Variants in MRGPRE observed in about 807,000 individuals in gnomAD.
The protein encoded by MRGPRE is MAS related GPR family member E.
For synonymous variants in MRGPRE, 229 were observed against 206.7 expected (o/e 1.11, Z -0.92); for missense variants, 466 against 433.4 (o/e 1.08, Z -0.67).
At position 3,225,337 on chromosome 11, in the gene MRGPRE, C is replaced by A. The variant is rs12420918; in HGVS notation, c.*2524G>T. Among the ~76,000 whole-genome samples the A allele has an allele frequency of 0.34, 51,447 of 152,194 alleles. 8,887 individuals are homozygous for A. The highest frequency in any genetic ancestry group is 0.39 in the Middle Eastern group (113 of 292). On this transcript the variant is annotated 3_prime_UTR_variant, in exon 2 of 2. Transcript: ENST00000389832. ...GTTCTTGGGAATTCTGTGCTGACCG[C>A]GGCAGCCCCGCAGGGGCCCGGGGTT...
chr11:3,226,663 G>C lies in MRGPRE; in HGVS notation c.*1198C>G, dbSNP rs1847764655. Among the ~76,000 whole-genome samples, 1 of 152,238 alleles carries C rather than the reference G, an allele frequency of 6.6e-6. No individual in the cohort carries two copies. The highest frequency in any genetic ancestry group is 2.4e-5 in the African/African-American group (1 of 41,452). On this transcript the variant is annotated 3_prime_UTR_variant, in exon 2 of 2. Transcript: ENST00000389832. ...ATGTCCTTCCATCACCAGCCATGGA[G>C]GCCGGAGTCAGAAATCAAAGAAAAC... is the stretch of plus-strand genomic sequence containing the variant.
In MRGPRE at chr11:3,229,250, A is replaced by G. The variant is rs1351267575; in HGVS notation, c.-61-390T>C. On this transcript the variant is annotated intron_variant, in intron 1 of 1. Transcript: ENST00000389832. This position sits in a 1 kb window ranked among gnomAD's most constrained non-coding sequence, Gnocchi z 4.4. ...TTTTTTTTTTTTTTTTTGGAGATGGAGTCTGGCTCTGTTGCCCCAGGCTAG... is the reference window on the plus strand; with the variant it reads ...TTTTTTTTTTTTTTTTTGGAGATGGGGTCTGGCTCTGTTGCCCCAGGCTAG... Among the ~76,000 whole-genome samples, 2 of 125,438 alleles carry G rather than the reference A, an allele frequency of 1.6e-5. No homozygotes were observed. The highest frequency in any genetic ancestry group is 3.2e-5 in the Non-Finnish European group (2 of 63,386). The allele number at this position is 125,438 out of a possible 152,430, so 82.3% of individuals were successfully genotyped here. A position where few individuals can be genotyped will look rare whatever the true frequency, so the allele number is the denominator to read the frequency against.
chr11:3,228,510 G>A lies in MRGPRE; in HGVS notation c.290C>T (p.Thr97Ile). ...GRLDFPGFVQ[T>I]SLATLRFFCY... ...GAAGAAGCGCAGCGTTGCCAGGCTG[G>A]TCTGCACGAAGCCCGGGAAGTCCAG... The change falls in exon 2 of 2, where the codon ACC becomes ATC. Residue 97 changes from threonine to isoleucine, a missense_variant. By Grantham distance (89) the Thr-to-Ile change is moderately conservative (BLOSUM62 -1). Transcript: ENST00000389832. 1.2e-6 allele frequency: 2 copies of A among 1,613,806 alleles called. No individual in the cohort carries two copies. Among genetic ancestry groups the A allele is most frequent in the Non-Finnish European group, 1.7e-6 (2 of 1,179,996 alleles).
At position 3,228,274 on chromosome 11, in the gene MRGPRE, T is replaced by C; in HGVS notation, c.526A>G (p.Thr176Ala). Residue 176 changes from threonine to alanine, a missense_variant, in exon 2 of 2, where the codon ACG (threonine) becomes GCG (alanine). Thr to Ala is a moderately conservative substitution (Grantham distance 58, BLOSUM62 0). Transcript: ENST00000389832. Reference protein sequence around the residue: ...FGEPSRHLCRTLWLVAAVLLA... With the variant: ...FGEPSRHLCRALWLVAAVLLA... ...AGCACCGCTGCCACCAGCCACAGCG[T>C]CCGGCACAAGTGGCGGCTGGGCTCC... The C allele has an allele frequency of 6.4e-7, 1 of 1,556,896 alleles. No homozygotes were observed. Among genetic ancestry groups the C allele is most frequent in the Middle Eastern group, 1.8e-4 (1 of 5,526 alleles).
Position 3,228,626 on chromosome 11 carries a change from G to A in MRGPRE, c.174C>T (p.Phe58=), listed in dbSNP as rs201376741. 3.0e-4 allele frequency: 485 copies of A among 1,614,130 alleles called. No homozygotes were observed. Among genetic ancestry groups the A allele is most frequent in the Admixed American group, 4.2e-4 (25 of 60,036 alleles). The part of the protein sequence containing the change: ...LLSSNVYRNP[F]AIYLLDVACA... ...AGGCCACGTCCAGGAGGTAGATGGCGAAGGGGTTTCTGTAGACATTGGAGC... is the reference window on the plus strand; with the variant it reads ...AGGCCACGTCCAGGAGGTAGATGGCAAAGGGGTTTCTGTAGACATTGGAGC... Residue 58 remains phenylalanine (F), a synonymous_variant, in exon 2 of 2, where the codon TTC becomes TTT. Coordinates refer to ENST00000389832, the MANE Select transcript of MRGPRE (RefSeq NM_001039165.4).
chr11:3,227,934 G>T lies in MRGPRE; in HGVS notation c.866C>A (p.Ala289Glu). The T allele has an allele frequency of 6.5e-7, 1 of 1,528,580 alleles. No homozygotes were observed. The highest frequency in any genetic ancestry group is 1.2e-5 in the South Asian group (1 of 80,380). The allele number at this position is 1,528,580 out of a possible 1,614,324, so 94.7% of individuals were successfully genotyped here. A position where few individuals can be genotyped will look rare whatever the true frequency, so the allele number is the denominator to read the frequency against. ...RLPLRLVLQRALGDEAELGAV... is the reference protein window; with the variant it reads ...RLPLRLVLQRELGDEAELGAV... ...CCCCAGCTCAGCCTCGTCTCCCAGC[G>T]CTCGCTGGAGGACCAGCCGGAGGGG... Residue 289 changes from alanine (A) to glutamate (E), a missense_variant, in exon 2 of 2, where the codon GCG becomes GAG. Physicochemically the swap from Ala to Glu is moderately radical, Grantham distance 107. Coordinates refer to ENST00000389832, the MANE Select transcript of MRGPRE (RefSeq NM_001039165.4).
rs570815823 is a variant in MRGPRE at position 3,228,572 on chromosome 11, G to A, written c.228C>T (p.His76=). 2.5e-6 allele frequency: 4 copies of A among 1,613,644 alleles called. No homozygotes were observed. The highest frequency in any genetic ancestry group is 2.7e-5 in the African/African-American group (2 of 75,054). ...ACADLIFLGC[H]MVAIVPDLLQ... ...GCAAGTCGGGGACGATGGCCACCAT[G>A]TGGCAGCCAAGGAAGATGAGATCCG... The change falls in exon 2 of 2, where the codon CAC becomes CAT. Residue 76 remains histidine, a synonymous_variant. Coordinates refer to ENST00000389832, the MANE Select transcript of MRGPRE (RefSeq NM_001039165.4).
chr11:3,225,075 G>A lies in MRGPRE; in HGVS notation c.*2786C>T, dbSNP rs1847744436. On this transcript the variant is annotated 3_prime_UTR_variant, in exon 2 of 2. Coordinates refer to ENST00000389832, the MANE Select transcript of MRGPRE (RefSeq NM_001039165.4). The stretch of plus-strand genomic sequence containing the variant: ...TTGGTTTTATTTTTCCAGCGTGTGA[G>A]CTAATGAACTAGCTGAGGAGTGAGC... 6.6e-6 allele frequency among the ~76,000 whole-genome samples: 1 copy of A among 152,254 alleles called. No homozygotes were observed. The highest frequency in any genetic ancestry group is 6.5e-5 in the Admixed American group (1 of 15,294).
rs78549252 is a variant in MRGPRE, at chr11:3,227,937, C to G, written c.863G>C (p.Arg288Pro). 21 of 1,534,250 alleles carry G rather than the reference C, an allele frequency of 1.4e-5. No individual in the cohort carries two copies. The highest frequency in any genetic ancestry group is 1.8e-5 in the Non-Finnish European group (20 of 1,137,516). The change falls in exon 2 of 2, where the codon CGA (arginine) becomes CCA (proline). Residue 288 changes from arginine to proline, a missense_variant. Arg to Pro is a moderately radical substitution (Grantham distance 103, BLOSUM62 -2). Transcript: ENST00000389832. ...CAGCTCAGCCTCGTCTCCCAGCGCT[C>G]GCTGGAGGACCAGCCGGAGGGGCAG... ...RRLPLRLVLQ[R>P]ALGDEAELGA...
rs1847812768 is a variant in MRGPRE, at chr11:3,230,045, C to G, written c.-61-1185G>C. Reference sequence around the variant, plus strand: ...ATCGGAGTCTTCATCACAGCTTTGCCAGAAATACAGCAAGTAATAGACTCT... The same window carrying G: ...ATCGGAGTCTTCATCACAGCTTTGCGAGAAATACAGCAAGTAATAGACTCT... On this transcript the variant is annotated intron_variant, in intron 1 of 1. Transcript: ENST00000389832. The surrounding 1 kb of genome is among the most constrained non-coding windows in gnomAD (Gnocchi z 5.5). Among the ~76,000 whole-genome samples, 1 of 152,160 alleles carries G rather than the reference C, an allele frequency of 6.6e-6. No homozygotes were observed. Among genetic ancestry groups the G allele is most frequent in the Non-Finnish European group, 1.5e-5 (1 of 68,018 alleles).
rs1045444010 is a variant in MRGPRE, at chr11:3,225,365, G to A, written c.*2496C>T. Reference sequence around the variant, plus strand: ...CAGCCCCGCAGGGGCCCGGGGTTGCGGGTGGATGGGGTGGGCTGGGCACTG... The same window carrying A: ...CAGCCCCGCAGGGGCCCGGGGTTGCAGGTGGATGGGGTGGGCTGGGCACTG... On this transcript the variant is annotated 3_prime_UTR_variant, in exon 2 of 2. Transcript: ENST00000389832. 1.3e-5 allele frequency among the ~76,000 whole-genome samples: 2 copies of A among 152,252 alleles called. No individual in the cohort carries two copies. Among genetic ancestry groups the A allele is most frequent in the African/African-American group, 2.4e-5 (1 of 41,474 alleles).
Position 3,225,519 on chromosome 11 carries a change from G to A in MRGPRE, c.*2342C>T, listed in dbSNP as rs2134627385. ...GCCTTGTGGCTCTGGGGGCAGAAGA[G>A]GAGGTGCAGCGGGGGAGGTCAGAGG... On this transcript the variant is annotated 3_prime_UTR_variant, in exon 2 of 2. Transcript: ENST00000389832. Among the ~76,000 whole-genome samples the A allele has an allele frequency of 6.6e-6, 1 of 152,314 alleles. No individual in the cohort carries two copies. The highest frequency in any genetic ancestry group is 2.1e-4 in the South Asian group (1 of 4,828).
chr11:3,229,887 G>A lies in MRGPRE; in HGVS notation c.-61-1027C>T, dbSNP rs1255226341. The stretch of plus-strand genomic sequence containing the variant: ...AGCTGTCTGATGATGGGGCTGGGAG[G>A]GGCCCTGAGCTTCCATGGCGTCTCC... On this transcript the variant is annotated intron_variant, in intron 1 of 1. Transcript: ENST00000389832. The surrounding 1 kb of genome is among the most constrained non-coding windows in gnomAD (Gnocchi z 4.4). 6.6e-6 allele frequency among the ~76,000 whole-genome samples: 1 copy of A among 152,190 alleles called. No homozygotes were observed. Among genetic ancestry groups the A allele is most frequent in the Non-Finnish European group, 1.5e-5 (1 of 68,018 alleles).
chr11:3,228,939 T>C (rs1847798608), intron 1 of MRGPRE, 79 bp from the exon 2 acceptor site: 1 of 693,262 alleles, frequency 1.4e-6, no homozygotes, highest in Non-Finnish European at 2.4e-6. Context: ...AGATGAGAGT[T>C]GGGTGGGTGA....
rs986564414 is a variant in MRGPRE at position 3,228,645 on chromosome 11, T to C, written c.155A>G (p.Asn52Ser). The C allele has an allele frequency of 1.2e-6, 2 of 1,614,052 alleles. No individual in the cohort carries two copies. Among genetic ancestry groups the C allele is most frequent in the East Asian group, 4.5e-5 (2 of 44,850 alleles). ...GATGGCGAAGGGGTTTCTGTAGACA[T>C]TGGAGCTGAGCAGCCAGAGGACTGC... ...NGAVLWLLSSNVYRNPFAIYL... is the reference protein window; with the variant it reads ...NGAVLWLLSSSVYRNPFAIYL... Residue 52 changes from asparagine to serine, a missense_variant, in exon 2 of 2, where the codon AAT becomes AGT. Transcript: ENST00000389832.
chr11:3,228,890 T>C, intron 1 of MRGPRE, 30 bp from the exon 2 acceptor site: 1 of 1,075,276 alleles, frequency 9.3e-7, no homozygotes, highest in Non-Finnish European at 1.3e-6. Context: ...AGTCTGGGGC[T>C]CAGGAATCCA....
At position 3,229,700 on chromosome 11, in the gene MRGPRE, C is replaced by T. The variant is rs539882696; in HGVS notation, c.-61-840G>A. Among the ~76,000 whole-genome samples the T allele has an allele frequency of 2.0e-4, 31 of 152,296 alleles. No homozygotes were observed. The East Asian group carries it at 3.9e-3, about 19-fold the overall frequency. On this transcript the variant is annotated intron_variant, in intron 1 of 1. Transcript: ENST00000389832. The surrounding 1 kb of genome is among the most constrained non-coding windows in gnomAD (Gnocchi z 4.4). ...CCAGTCCCCAGCCCTCCAGCTTGGT[C>T]ACACCATGCAGCCACATCAGGGCCA...
At position 3,228,134 on chromosome 11, in the gene MRGPRE, G is replaced by A. The variant is rs762643196; in HGVS notation, c.666C>T (p.Thr222=). 2.1e-5 allele frequency: 33 copies of A among 1,585,838 alleles called. No individual in the cohort carries two copies. The highest frequency in any genetic ancestry group is 2.1e-4 in the South Asian group (18 of 87,114). The part of the protein sequence containing the change: ...PRGFPGLILL[T]VLLFLFCGLP... ...GGCCGCAGAAGAGGAAGAGGAGGAC[G>A]GTGAGGAGGATGAGCCCAGGGAAGC... Residue 222 remains threonine (T), a synonymous_variant, in exon 2 of 2, where the codon ACC becomes ACT. Coordinates refer to ENST00000389832, the MANE Select transcript of MRGPRE (RefSeq NM_001039165.4).
chr11:3,231,912 A>G lies in MRGPRE; in HGVS notation c.-62+229T>C, dbSNP rs1351893735. ...GGGGGTGGGGGGTTGGGGAGCCATCACCCAAGCTATCGTCCTCTTCCAGAC... is the reference window on the plus strand; with the variant it reads ...GGGGGTGGGGGGTTGGGGAGCCATCGCCCAAGCTATCGTCCTCTTCCAGAC... On this transcript the variant is annotated intron_variant, in intron 1 of 1. Coordinates refer to ENST00000389832, the MANE Select transcript of MRGPRE (RefSeq NM_001039165.4). The surrounding 1 kb of genome is among the most constrained non-coding windows in gnomAD (Gnocchi z 4.7). Among the ~76,000 whole-genome samples, 1 of 151,982 alleles carries G rather than the reference A, an allele frequency of 6.6e-6. No individual in the cohort carries two copies. The highest frequency in any genetic ancestry group is 1.5e-5 in the Non-Finnish European group (1 of 67,944).
Sources: gnomAD v4.1 joint callset for allele counts (sites outside exome capture counted in the v4.1 genomes callset) on GRCh38, gnomAD v4.1.1 for gene constraint, Gnocchi (gnomAD v3.1) non-coding constraint, MANE v1.5 for transcripts, NCBI Gene and HGNC (gene_info 2026-07-23, HGNC 2026-07-21) for gene names.